Variants in KBTBD12 observed in about 807,000 individuals in gnomAD.
KBTBD12 encodes the protein kelch repeat and BTB domain-containing protein 12.
A neutral mutation model predicts 58.7 loss-of-function variants in KBTBD12; 53 were observed. The observed-to-expected ratio is 0.90, with a 90% CI of 0.72 to 1.14. The LOEUF (loss-of-function observed/expected upper bound fraction) is 1.14, where lower values mean the gene tolerates loss of function less well. Ranked by LOEUF, KBTBD12 falls within the 50% of genes most tolerant of loss-of-function variation. The pLI is 0.00. For synonymous variants in KBTBD12, 236 were observed against 259.8 expected, an observed-to-expected ratio of 0.91 and a Z score of 0.88; for missense variants, 704 against 751.3, an observed-to-expected ratio of 0.94 and a Z score of 0.74.
intron 5 of KBTBD12, 171 bp downstream of exon 5, chr3:127,963,557 A>T: frequency 1.7e-6 from 1 of 600,202 alleles, no homozygotes; most frequent in Non-Finnish European, 2.8e-6. Flanking sequence ...TCACATGGAC[A>T]AAGTGAAGCT....
At chr3:127,967,359 C>G (rs1364050252) in intron 5 of KBTBD12, among the ~76,000 whole-genome samples, 1 of 152,118 alleles carries the variant, frequency 6.6e-6, no homozygotes, top group East Asian at 1.9e-4. Flanking sequence ...GAAAAGTATG[C>G]CACACAGTCC....
At chr3:127,943,121 A>C (rs1225632544) in intron 4 of KBTBD12, among the ~76,000 whole-genome samples, 3 of 152,180 alleles carry the variant, frequency 2.0e-5, no homozygotes, top group African/African-American at 7.2e-5. Context: ...ATCAAATTTC[A>C]GCATGACTTT....
intron 5 of KBTBD12, among the ~76,000 whole-genome samples, chr3:127,979,045 C>T (rs1413920546): frequency 6.6e-6 from 1 of 152,156 alleles, no homozygotes; most frequent in African/African-American, 2.4e-5. Flanking sequence ...GGAAACACAG[C>T]CCACAGAAGG....
chr3:127,936,944 G>A (rs1308778202), intron 4 of KBTBD12, among the ~76,000 whole-genome samples: 1 of 152,058 alleles, frequency 6.6e-6, no homozygotes, highest in African/African-American at 2.4e-5. Flanking sequence ...GCATACCCAA[G>A]TGGGAAAAAA....
chr3:127,957,169 GTAAATATGGA>G (rs1430336485), intron 4 of KBTBD12, among the ~76,000 whole-genome samples: 2 of 152,032 alleles, frequency 1.3e-5, no homozygotes, highest in African/African-American at 4.8e-5. Flanking sequence ...CATTTCTTGG[GTAAATATGGA>G]AATGAGCACA....
chr3:127,918,040 T>G (rs1333858176), intron 1 of KBTBD12, among the ~76,000 whole-genome samples: 6 of 152,044 alleles, frequency 3.9e-5, no homozygotes, highest in Admixed American at 3.9e-4. Context: ...TAAGACCCTG[T>G]CTCTACAAAA....
intron 5 of KBTBD12, among the ~76,000 whole-genome samples, chr3:127,970,540 G>A (rs567857894): frequency 3.9e-5 from 6 of 152,326 alleles, no homozygotes; most frequent in African/African-American, 1.2e-4. Context: ...CAGATGGACA[G>A]ATAAGTAAAA....
chr3:127,973,502 T>C (rs1193816810), intron 5 of KBTBD12, among the ~76,000 whole-genome samples: 2 of 152,228 alleles, frequency 1.3e-5, no homozygotes, highest in Non-Finnish European at 2.9e-5. Flanking sequence ...TTCAATTTTA[T>C]AGAATTAATG....
chr3:127,954,958 G>A (rs1379620882), intron 4 of KBTBD12, among the ~76,000 whole-genome samples: 5 of 152,146 alleles, frequency 3.3e-5, no homozygotes, highest in Non-Finnish European at 5.9e-5. Flanking sequence ...TTTGCCAGTC[G>A]CTGCCCTTGT....
At chr3:127,968,658 A>C (rs1940629435) in intron 5 of KBTBD12, among the ~76,000 whole-genome samples, 4 of 152,200 alleles carry the variant, frequency 2.6e-5, no homozygotes, top group Admixed American at 2.6e-4. Flanking sequence ...AGAACAGCTA[A>C]TGGATGCTGT....
At chr3:127,961,904 A>G (rs972765940) in intron 4 of KBTBD12, among the ~76,000 whole-genome samples, 1 of 152,210 alleles carries the variant, frequency 6.6e-6, no homozygotes, top group Non-Finnish European at 1.5e-5. Context: ...GAAACACATG[A>G]GATTAATTTC....
rs749791153 is a variant in KBTBD12 at position 127,924,145 on chromosome 3, A to T, written c.1070+14A>T. 1 of 1,531,564 alleles carries T rather than the reference A, an allele frequency of 6.5e-7. No homozygotes were observed. The highest frequency in any genetic ancestry group is 1.9e-5 in the Admixed American group (1 of 53,406). The allele number at this position is 1,531,564 out of a possible 1,614,324, so 94.9% of individuals were successfully genotyped here. A position where few individuals can be genotyped will look rare whatever the true frequency, so the allele number is the denominator to read the frequency against. On this transcript the variant is annotated intron_variant, in intron 2 of 5. Transcript: ENST00000405109. The stretch of plus-strand genomic sequence containing the variant: ...TGAAATTTATAGGTTTGTATCTAGC[A>T]GCAAATTTGCTTAATTATTTTGTTT...
intron 5 of KBTBD12, among the ~76,000 whole-genome samples, chr3:127,974,584 T>C (rs1325191254): frequency 6.6e-6 from 1 of 152,200 alleles, no homozygotes; most frequent in Non-Finnish European, 1.5e-5. Context: ...CTCACCACAT[T>C]CATTCACAAC....
At position 127,957,245 on chromosome 3, in the gene KBTBD12, C is replaced by A. The variant is rs144408894; in HGVS notation, c.1493-5944C>A. ...AGACACAAGATAAATATGCCAAAGA[C>A]TTATTATAATATTTTTTCTTTAATA... On this transcript the variant is annotated intron_variant, in intron 4 of 5. Coordinates refer to ENST00000405109, the MANE Select transcript of KBTBD12 (RefSeq NM_207335.4). Among the ~76,000 whole-genome samples, 486 of 152,274 alleles carry A rather than the reference C, an allele frequency of 3.2e-3. 2 individuals carry two copies. The highest frequency in any genetic ancestry group is 0.011 in the African/African-American group (451 of 41,558).
chr3:127,970,033 A>G, intron 5 of KBTBD12, among the ~76,000 whole-genome samples: 1 of 152,238 alleles, frequency 6.6e-6, no homozygotes, highest in Non-Finnish European at 1.5e-5. Context: ...ATGAGAGACA[A>G]TAATTGCAAA....
chr3:127,945,980 G>C (rs1371532165), intron 4 of KBTBD12, among the ~76,000 whole-genome samples: 1 of 152,042 alleles, frequency 6.6e-6, no homozygotes, highest in South Asian at 2.1e-4. Flanking sequence ...CGCCTGGCCC[G>C]TTTATATTAT....
At chr3:127,960,588 A>G (rs1319890676) in intron 4 of KBTBD12, among the ~76,000 whole-genome samples, 1 of 152,248 alleles carries the variant, frequency 6.6e-6, no homozygotes, top group African/African-American at 2.4e-5. Flanking sequence ...GTGCTGACTT[A>G]TTAATGAAGA....
intron 1 of KBTBD12, among the ~76,000 whole-genome samples, chr3:127,917,760 T>C (rs75053794): frequency 0.036 from 5,543 of 152,330 alleles, 310 homozygotes; most frequent in African/African-American, 0.12. Context: ...ATAAATTTTA[T>C]ATGTAGAAAA....
intron 5 of KBTBD12, among the ~76,000 whole-genome samples, chr3:127,965,372 T>C (rs1940542600): frequency 6.6e-6 from 1 of 152,204 alleles, no homozygotes; most frequent in South Asian, 2.1e-4. Flanking sequence ...ATTTTAATTA[T>C]TTGTTTCTAA....
Sources: allele counts gnomAD v4.1 joint callset (sites outside exome capture counted in the v4.1 genomes callset), GRCh38; gene constraint gnomAD v4.1.1; transcripts MANE v1.5; gene names NCBI Gene and HGNC (gene_info 2026-07-23, HGNC 2026-07-21).